AHCYL2: variants seen among roughly 807,000 people sequenced by gnomAD.
The protein encoded by AHCYL2 is S-adenosylhomocysteine hydrolase-like protein 2.
Under a neutral mutation model 81.4 loss-of-function variants are expected in AHCYL2, and 28 were observed. The ratio of observed to expected loss-of-function variants is 0.34; its 90% confidence interval spans 0.25 to 0.47. AHCYL2 has a LOEUF of 0.47. Among genes scored for constraint, AHCYL2 ranks in the 20% least tolerant of loss-of-function variants. The probability of loss-of-function intolerance (pLI) is 1.00; values close to 1 mark genes in which losing one functional copy is unlikely to be tolerated. For synonymous variants in AHCYL2, 272 were observed against 290.2 expected (o/e 0.94, Z 0.64); for missense variants, 551 against 785.1 (o/e 0.70, Z 3.56).
chr7:129,373,262 T>C (rs887427066), intron 1 of AHCYL2, among the ~76,000 whole-genome samples: 4 of 152,166 alleles, frequency 2.6e-5, no homozygotes, highest in African/African-American at 4.8e-5. Flanking sequence ...TAAAAACTTA[T>C]TGGCTGTGTG....
intron 1 of AHCYL2, among the ~76,000 whole-genome samples, chr7:129,304,335 AG>A (rs1178271594): frequency 4.6e-5 from 7 of 152,196 alleles, no homozygotes; most frequent in African/African-American, 1.7e-4. Flanking sequence ...CCATGTACTG[AG>A]GAGAAGAATG....
intron 1 of AHCYL2, among the ~76,000 whole-genome samples, chr7:129,341,747 G>A (rs1287380981): frequency 6.6e-6 from 1 of 152,132 alleles, no homozygotes; most frequent in African/African-American, 2.4e-5. Context: ...CTTTCTTGTC[G>A]AATGCCTGTG....
chr7:129,297,755 C>T (rs910921679), intron 1 of AHCYL2, among the ~76,000 whole-genome samples: 7 of 152,074 alleles, frequency 4.6e-5, no homozygotes, highest in African/African-American at 1.7e-4. Context: ...GATGCAGTGG[C>T]TCATGCTTGT....
At chr7:129,238,784 C>T (rs1584691248) in intron 1 of AHCYL2, among the ~76,000 whole-genome samples, 1 of 152,252 alleles carries the variant, frequency 6.6e-6, no homozygotes. Flanking sequence ...AACCCTGTCT[C>T]TACTAAAAAT....
chr7:129,327,436 C>T (rs1285179525), intron 1 of AHCYL2, among the ~76,000 whole-genome samples: 1 of 152,110 alleles, frequency 6.6e-6, no homozygotes, highest in African/African-American at 2.4e-5. Flanking sequence ...TATAGCAGGT[C>T]AAGCAGACTA....
At chr7:129,299,503 C>T (rs1247580302) in intron 1 of AHCYL2, among the ~76,000 whole-genome samples, 1 of 149,144 alleles carries the variant, frequency 6.7e-6, no homozygotes, top group Non-Finnish European at 1.5e-5. Context: ...ACGCCATTCT[C>T]CTGCCTCAGC....
chr7:129,327,897 G>C (rs1022016651), intron 1 of AHCYL2, among the ~76,000 whole-genome samples: 6 of 151,984 alleles, frequency 3.9e-5, no homozygotes, highest in African/African-American at 9.7e-5. Context: ...AGGCTCAAGC[G>C]ATCCTCCTGA....
chr7:129,422,734 G>T, intron 12 of AHCYL2, 106 bp from the exon 13 acceptor site: 1 of 877,702 alleles, frequency 1.1e-6, no homozygotes, highest in Non-Finnish European at 1.8e-6. Flanking sequence ...CTGGCATGTT[G>T]GTTGCTCCTT....
intron 1 of AHCYL2, among the ~76,000 whole-genome samples, chr7:129,289,982 A>G (rs1796778552): frequency 6.6e-6 from 1 of 151,544 alleles, no homozygotes; most frequent in Non-Finnish European, 1.5e-5. Flanking sequence ...GGGTTTCTCC[A>G]TGTTGGTCAG....
intron 1 of AHCYL2, among the ~76,000 whole-genome samples, chr7:129,324,560 G>C (rs954459102): frequency 6.6e-6 from 1 of 152,126 alleles, no homozygotes; most frequent in African/African-American, 2.4e-5. Flanking sequence ...CTGTCACCCA[G>C]ACTGGAGTGC....
chr7:129,245,881 T>A (rs1450142740), intron 1 of AHCYL2, among the ~76,000 whole-genome samples: 1 of 152,256 alleles, frequency 6.6e-6, no homozygotes, highest in Non-Finnish European at 1.5e-5. Flanking sequence ...ATGGAATTGC[T>A]GGGTTATATG....
At chr7:129,232,252 CTGTCTT>C (rs1438071988) in intron 1 of AHCYL2, among the ~76,000 whole-genome samples, 2 of 152,202 alleles carry the variant, frequency 1.3e-5, no homozygotes, top group African/African-American at 4.8e-5. Flanking sequence ...TCAGGAATCT[CTGTCTT>C]AGTATTTAAT....
At chr7:129,307,102 G>A (rs1308285461) in intron 1 of AHCYL2, among the ~76,000 whole-genome samples, 1 of 152,134 alleles carries the variant, frequency 6.6e-6, no homozygotes, top group Non-Finnish European at 1.5e-5. Context: ...ACCACTACCT[G>A]GCTGCTGCGT....
intron 1 of AHCYL2, among the ~76,000 whole-genome samples, 191 bp downstream of exon 1, chr7:129,225,630 A>T (rs573405893): frequency 3.3e-5 from 5 of 152,166 alleles, no homozygotes; most frequent in Non-Finnish European, 5.9e-5. Context: ...CGGAGACTCC[A>T]GGAGGCACGG....
intron 1 of AHCYL2, among the ~76,000 whole-genome samples, chr7:129,374,065 G>A (rs1584844791): frequency 2.0e-5 from 3 of 152,062 alleles, no homozygotes; most frequent in African/African-American, 4.8e-5. Flanking sequence ...AAGATTATCC[G>A]GGATGATGTC....
chr7:129,291,514 CTT>C (rs34719441), intron 1 of AHCYL2, among the ~76,000 whole-genome samples: 43 of 133,096 alleles, frequency 3.2e-4, no homozygotes, highest in Non-Finnish European at 3.7e-4. Context: ...TACCCGAGAC[CTT>C]TTTTTTTTTT....
chr7:129,382,424 A>G (rs1795000548), intron 2 of AHCYL2, among the ~76,000 whole-genome samples: 1 of 151,756 alleles, frequency 6.6e-6, no homozygotes, highest in African/African-American at 2.4e-5. Context: ...ACACGGTGAA[A>G]CCCCGTCTCC....
chr7:129,388,067 CTG>C (rs1033368773), intron 2 of AHCYL2: 42 of 152,196 alleles, frequency 2.8e-4, no homozygotes, highest in African/African-American at 1.0e-3. Context: ...CGTAGGCACT[CTG>C]AGCTTTCACA....
intron 2 of AHCYL2, among the ~76,000 whole-genome samples, chr7:129,384,283 A>G (rs1381677854): frequency 2.0e-5 from 3 of 148,804 alleles, no homozygotes; most frequent in Non-Finnish European, 4.5e-5. Context: ...CTAATATATC[A>G]TATATATGAT....
Sources: gnomAD v4.1 joint callset for allele counts (sites outside exome capture counted in the v4.1 genomes callset) on GRCh38, gnomAD v4.1.1 for gene constraint, MANE v1.5 for transcripts, NCBI Gene and HGNC (gene_info 2026-07-23, HGNC 2026-07-21) for gene names.